SMOC1: variants seen among roughly 807,000 people sequenced by gnomAD.
SMOC1 encodes the protein SPARC-related modular calcium-binding protein 1.
SMOC1 carries 22 observed loss-of-function variants against 56.3 expected under a neutral mutation model. The observed-to-expected ratio is 0.39, with a 90% CI of 0.28 to 0.56. The LOEUF is 0.56. Ranked by LOEUF, SMOC1 falls within the 20% of genes least tolerant of loss-of-function variation. The pLI is 0.61. For synonymous variants in SMOC1, 193 were observed against 215.0 expected (o/e 0.90, Z 0.89); for missense variants, 509 against 565.4 (o/e 0.90, Z 1.01).
At chr14:69,975,167 A>C (rs527634950) in intron 3 of SMOC1, among the ~76,000 whole-genome samples, 1 of 152,242 alleles carries the variant, frequency 6.6e-6, no homozygotes, top group East Asian at 1.9e-4. Flanking sequence ...AACATGGCGA[A>C]ACCCATTTCT....
intron 3 of SMOC1, among the ~76,000 whole-genome samples, chr14:69,960,708 C>G (rs1253459987): frequency 1.3e-5 from 2 of 152,148 alleles, no homozygotes; most frequent in African/African-American, 4.8e-5. Flanking sequence ...TTCCAAACAA[C>G]CAGTTAATGT....
At chr14:69,935,926 G>A (rs1179115281) in intron 1 of SMOC1, among the ~76,000 whole-genome samples, 1 of 152,200 alleles carries the variant, frequency 6.6e-6, no homozygotes, top group African/African-American at 2.4e-5. Context: ...GGCAAGTTGT[G>A]GAGCTAGTGT....
At chr14:69,983,832 C>T (rs948900841) in intron 5 of SMOC1, among the ~76,000 whole-genome samples, 1 of 152,200 alleles carries the variant, frequency 6.6e-6, no homozygotes, top group African/African-American at 2.4e-5. Context: ...GGTGGACAGG[C>T]CTTGGGCCTG....
chr14:70,010,195 T>G (rs1384727374), intron 7 of SMOC1, among the ~76,000 whole-genome samples: 1 of 152,242 alleles, frequency 6.6e-6, no homozygotes, highest in Non-Finnish European at 1.5e-5. Context: ...TCCAGCAGCC[T>G]TGGAGGGTGG....
chr14:70,032,110 C>G lies in SMOC1; in HGVS notation c.*1852C>G, dbSNP rs1307844637. The G allele has an allele frequency of 1.3e-5, 2 of 152,380 alleles. No homozygotes were observed. Among genetic ancestry groups the G allele is most frequent in the Non-Finnish European group, 2.9e-5 (2 of 68,120 alleles). 9.4% of individuals were successfully genotyped at this position (152,380 alleles called of 1,614,324 possible). A position where few individuals can be genotyped will look rare whatever the true frequency, so the allele number is the denominator to read the frequency against. ...GGGAAGGAAGCCTTCTCCCATTAGC[C>G]CCAATGAGAGAACTCAACGTGCCGG... On this transcript the variant is annotated 3_prime_UTR_variant, in exon 12 of 12. Coordinates refer to ENST00000361956, the MANE Select transcript of SMOC1 (RefSeq NM_001034852.3).
At chr14:69,894,921 T>C (rs1354435556) in intron 1 of SMOC1, among the ~76,000 whole-genome samples, 1 of 152,190 alleles carries the variant, frequency 6.6e-6, no homozygotes, top group Non-Finnish European at 1.5e-5. Flanking sequence ...AAGATTCCCA[T>C]AGATACCTAC....
At chr14:69,967,021 T>C (rs539152344) in intron 3 of SMOC1, among the ~76,000 whole-genome samples, 24 of 152,178 alleles carry the variant, frequency 1.6e-4, no homozygotes, top group Non-Finnish European at 2.9e-4. Context: ...CTTCCTCACA[T>C]TGGACACAAG....
chr14:69,982,144 TG>T (rs1884202713), intron 5 of SMOC1, among the ~76,000 whole-genome samples: 1 of 152,210 alleles, frequency 6.6e-6, no homozygotes, highest in African/African-American at 2.4e-5. Context: ...TTCTGCGGTT[TG>T]CATTTTTCCC....
intron 1 of SMOC1, among the ~76,000 whole-genome samples, chr14:69,927,726 G>A (rs1253880611): frequency 6.6e-6 from 1 of 152,184 alleles, no homozygotes; most frequent in Non-Finnish European, 1.5e-5. Context: ...GGAGGGGCAG[G>A]ATTGCTTGGG....
intron 1 of SMOC1, among the ~76,000 whole-genome samples, chr14:69,939,020 C>A (rs900429730): frequency 2.6e-5 from 4 of 152,186 alleles, no homozygotes; most frequent in African/African-American, 9.7e-5. Flanking sequence ...TGAACAGGTT[C>A]AGCTGATCAG....
intron 3 of SMOC1, among the ~76,000 whole-genome samples, chr14:69,969,351 T>C (rs1883677647): frequency 6.6e-6 from 1 of 152,146 alleles, no homozygotes; most frequent in African/African-American, 2.4e-5. Flanking sequence ...GGAAGCATGA[T>C]GCTGGCATCT....
rs1231564686 is a variant in SMOC1 at position 69,879,608 on chromosome 14, G to A, written c.-71G>A. ...GAGGGCCCCGAGCGAAGGAAGGAAGGGAGGCGCGCTGTGCGCCCCGCGGAG... is the reference window on the plus strand; with the variant it reads ...GAGGGCCCCGAGCGAAGGAAGGAAGAGAGGCGCGCTGTGCGCCCCGCGGAG... On this transcript the variant is annotated 5_prime_UTR_variant, in exon 1 of 12. Transcript: ENST00000361956. 1.4e-5 allele frequency: 17 copies of A among 1,230,196 alleles called. No individual in the cohort carries two copies. The highest frequency in any genetic ancestry group is 1.8e-5 in the Non-Finnish European group (17 of 946,662). 76.2% of individuals were successfully genotyped at this position (1,230,196 alleles called of 1,614,324 possible).
rs1021516505 is a variant in SMOC1 at position 70,031,936 on chromosome 14, C to T, written c.*1678C>T. The T allele has an allele frequency of 6.6e-6, 1 of 152,354 alleles. No individual in the cohort carries two copies. The highest frequency in any genetic ancestry group is 2.4e-5 in the African/African-American group (1 of 41,464). The allele number at this position is 152,354 out of a possible 1,614,324, so 9.4% of individuals were successfully genotyped here. A position where few individuals can be genotyped will look rare whatever the true frequency, so the allele number is the denominator to read the frequency against. The stretch of plus-strand genomic sequence containing the variant: ...GTTCCGGGTCTGGAAGGCGTTGGCA[C>T]CACAAGCACTGTCCCTGTGGGAGGA... On this transcript the variant is annotated 3_prime_UTR_variant, in exon 12 of 12. Coordinates refer to ENST00000361956, the MANE Select transcript of SMOC1 (RefSeq NM_001034852.3).
chr14:69,920,304 C>T (rs746972738), intron 1 of SMOC1, among the ~76,000 whole-genome samples: 3 of 152,100 alleles, frequency 2.0e-5, no homozygotes, highest in Non-Finnish European at 4.4e-5. Context: ...TGATTAGAGC[C>T]AGTGCTGGAT....
At chr14:69,904,595 C>G (rs1884357140) in intron 1 of SMOC1, among the ~76,000 whole-genome samples, 1 of 152,182 alleles carries the variant, frequency 6.6e-6, no homozygotes, top group Non-Finnish European at 1.5e-5. Context: ...ACTGATCTGT[C>G]CTGAAAATGC....
chr14:69,927,377 G>A (rs1411861481), intron 1 of SMOC1, among the ~76,000 whole-genome samples: 1 of 152,142 alleles, frequency 6.6e-6, no homozygotes, highest in Non-Finnish European at 1.5e-5. Context: ...TAGGGAGTAG[G>A]GCTAAATAAG....
Position 69,975,761 on chromosome 14 carries a change from A to G in SMOC1, c.425A>G (p.Asp142Gly), listed in dbSNP as rs772191806. ...YTGYCWCVTP[D>G]GKPISGSSVQ... ...GGGTACTGCTGGTGTGTCACCCCGGATGGGAAGCCCATCAGTGGCTCTTCT... is the reference window on the plus strand; with the variant it reads ...GGGTACTGCTGGTGTGTCACCCCGGGTGGGAAGCCCATCAGTGGCTCTTCT... The change falls in exon 4 of 12, where the codon GAT (aspartate) becomes GGT (glycine). Residue 142 changes from aspartate (D) to glycine (G), a missense_variant. Asp to Gly is a moderately conservative substitution (Grantham distance 94). Coordinates refer to ENST00000361956, the MANE Select transcript of SMOC1 (RefSeq NM_001034852.3). 1.2e-6 allele frequency: 2 copies of G among 1,613,072 alleles called. No homozygotes were observed. Among genetic ancestry groups the G allele is most frequent in the Non-Finnish European group, 1.7e-6 (2 of 1,179,984 alleles).
At chr14:69,937,069 G>A (rs1566680200) in intron 1 of SMOC1, among the ~76,000 whole-genome samples, 1 of 152,250 alleles carries the variant, frequency 6.6e-6, no homozygotes, top group South Asian at 2.1e-4. Flanking sequence ...CTTTAGTACC[G>A]AGTCTTTTGG....
intron 3 of SMOC1, among the ~76,000 whole-genome samples, chr14:69,956,614 A>T (rs1351675529): frequency 6.6e-6 from 1 of 151,888 alleles, no homozygotes; most frequent in African/African-American, 2.4e-5. Flanking sequence ...GAGTGATGGC[A>T]CTCTAATGGG....
Sources: allele counts gnomAD v4.1 joint callset (sites outside exome capture counted in the v4.1 genomes callset), GRCh38; gene constraint gnomAD v4.1.1; transcripts MANE v1.5; gene names NCBI Gene and HGNC (gene_info 2026-07-23, HGNC 2026-07-21).